The following ROR1 variants were observed in gnomAD, a reference collection of about 807,000 sequenced individuals.
ROR1 encodes ROR family WNT receptor 1, also known as inactive tyrosine-protein kinase transmembrane receptor ROR1.
ROR1 carries 19 observed loss-of-function variants against 78.8 expected under a neutral mutation model. The ratio of observed to expected loss-of-function variants is 0.24; its 90% CI spans 0.17 to 0.35. The LOEUF (loss-of-function observed/expected upper bound fraction) is 0.35, where lower values mean the gene tolerates loss of function less well. Ranked by LOEUF, ROR1 falls within the 10% of genes least tolerant of loss-of-function variation. ROR1 has a pLI of 1.00. For synonymous variants in ROR1, 386 were observed against 433.6 expected (o/e 0.89, Z 1.36); for missense variants, 917 against 1,177.8 (o/e 0.78, Z 3.24).
chr1:63,850,541 A>C lies in ROR1; in HGVS notation c.91+76033A>C, dbSNP rs370183384. On this transcript the variant is annotated intron_variant, in intron 1 of 8. Transcript: ENST00000371079. ...AACTCTTGATATTGGAAGTATTTTT[A>C]GATTTTGCTTATTCAACAGGTATGA... 2.0e-5 allele frequency among the ~76,000 whole-genome samples: 3 copies of C among 147,558 alleles called. No individual in the cohort carries two copies. In the East Asian group the frequency reaches 5.8e-4, roughly 28 times the overall value.
At chr1:64,093,729 C>A (rs941972265) in intron 4 of ROR1, among the ~76,000 whole-genome samples, 19 of 152,088 alleles carry the variant, frequency 1.2e-4, no homozygotes, top group Non-Finnish European at 1.2e-4. Flanking sequence ...TTGCCTAAGA[C>A]CCCACAGCTA....
At chr1:64,089,291 A>C (rs7553533) in intron 4 of ROR1, among the ~76,000 whole-genome samples, 52,662 of 151,686 alleles carry the variant, frequency 0.35, 10,125 homozygotes, top group African/African-American at 0.52. Context: ...CTCACTGCAG[A>C]CTCAACTTCC....
At chr1:63,947,008 G>A (rs1285980912) in intron 1 of ROR1, among the ~76,000 whole-genome samples, 2 of 151,966 alleles carry the variant, frequency 1.3e-5, no homozygotes, top group East Asian at 1.9e-4. Context: ...TGCCAGTGGA[G>A]GCTACATTAG....
intron 7 of ROR1, among the ~76,000 whole-genome samples, chr1:64,151,442 A>C (rs1199096033): frequency 1.3e-5 from 2 of 152,220 alleles, no homozygotes; most frequent in African/African-American, 2.4e-5. Context: ...CATTGACACT[A>C]TCAGTAGAGG....
chr1:63,877,391 G>C (rs1446245112), intron 1 of ROR1, among the ~76,000 whole-genome samples: 1 of 152,144 alleles, frequency 6.6e-6, no homozygotes, highest in East Asian at 1.9e-4. Context: ...GTCTGATGGG[G>C]ATCATAACGC....
chr1:64,028,628 G>T (rs930356496), intron 2 of ROR1, among the ~76,000 whole-genome samples: 12 of 152,060 alleles, frequency 7.9e-5, no homozygotes, highest in Non-Finnish European at 1.3e-4. Flanking sequence ...GAAAAAATAT[G>T]CACCATTCTA....
intron 4 of ROR1, among the ~76,000 whole-genome samples, chr1:64,122,593 C>G (rs1278715649): frequency 2.0e-5 from 3 of 152,142 alleles, no homozygotes; most frequent in African/African-American, 7.2e-5. Context: ...GTCAGTAGGC[C>G]ACCAATAAAT....
chr1:63,802,218 C>G (rs931731427), intron 1 of ROR1, among the ~76,000 whole-genome samples: 13 of 152,150 alleles, frequency 8.5e-5, no homozygotes, highest in African/African-American at 2.9e-4. Flanking sequence ...GCTTTGGGAT[C>G]AAACCCTACT....
At chr1:63,952,289 G>A (rs978076404) in intron 1 of ROR1, among the ~76,000 whole-genome samples, 3 of 152,036 alleles carry the variant, frequency 2.0e-5, no homozygotes, top group African/African-American at 7.3e-5. Flanking sequence ...AACATGCTGG[G>A]CCTTTTCGAG....
At chr1:63,908,702 CT>C (rs1185227888) in intron 1 of ROR1, among the ~76,000 whole-genome samples, 1 of 152,176 alleles carries the variant, frequency 6.6e-6, no homozygotes, top group Non-Finnish European at 1.5e-5. Flanking sequence ...CTGCCTCTTG[CT>C]GAATTTTGCT....
intron 2 of ROR1, among the ~76,000 whole-genome samples, chr1:64,022,910 G>T (rs1408947302): frequency 6.6e-6 from 1 of 151,892 alleles, no homozygotes; most frequent in Non-Finnish European, 1.5e-5. Flanking sequence ...TGTTTGTGGG[G>T]GTTTTGTTTT....
In ROR1 at chr1:64,137,473, G is replaced by C; in HGVS notation, c.587G>C (p.Gly196Ala). ...TATATGGAGTCTTTGCACATGCAAG[G>C]GGAAATAGAAAATCAGATCACAGGT... ...TVYMESLHMQGEIENQITAAF... is the reference protein window; with the variant it reads ...TVYMESLHMQAEIENQITAAF... Residue 196 changes from glycine (G) to alanine (A), a missense_variant, in exon 5 of 9, where the codon GGG (glycine) becomes GCG (alanine). This residue lies in a region of ROR1 where 835 missense variants were observed against 1,069.8 expected (regional missense o/e 0.78). Transcript: ENST00000371079. 1.2e-6 allele frequency: 2 copies of C among 1,613,392 alleles called. No individual in the cohort carries two copies. The highest frequency in any genetic ancestry group is 1.7e-6 in the Non-Finnish European group (2 of 1,179,640).
chr1:64,008,480 G>A (rs1646448007), intron 1 of ROR1, among the ~76,000 whole-genome samples: 2 of 152,146 alleles, frequency 1.3e-5, no homozygotes, highest in Admixed American at 6.6e-5. Flanking sequence ...TATATACCTT[G>A]TAATGTGATT....
At chr1:64,107,378 G>A (rs2100666413) in intron 4 of ROR1, among the ~76,000 whole-genome samples, 1 of 152,320 alleles carries the variant, frequency 6.6e-6, no homozygotes, top group Non-Finnish European at 1.5e-5. Flanking sequence ...ATACAAATGT[G>A]AGAATTATTA....
chr1:63,947,165 T>A (rs1194647767), intron 1 of ROR1, among the ~76,000 whole-genome samples: 1 of 152,196 alleles, frequency 6.6e-6, no homozygotes, highest in East Asian at 1.9e-4. Flanking sequence ...TAAACACACG[T>A]TGCCCATGTT....
chr1:63,881,180 A>G (rs1277620091), intron 1 of ROR1, among the ~76,000 whole-genome samples: 1 of 152,212 alleles, frequency 6.6e-6, no homozygotes, highest in Non-Finnish European at 1.5e-5. Flanking sequence ...CCCAGGGGCT[A>G]TCTTTATCAA....
At chr1:63,862,243 A>G (rs1569833080) in intron 1 of ROR1, among the ~76,000 whole-genome samples, 2 of 151,728 alleles carry the variant, frequency 1.3e-5, no homozygotes, top group Non-Finnish European at 2.9e-5. Context: ...AAATACACAA[A>G]ATTAGCCAGG....
Position 63,942,914 on chromosome 1 carries a change from A to G in ROR1, c.92-66391A>G, listed in dbSNP as rs113798438. Among the ~76,000 whole-genome samples the G allele has an allele frequency of 9.3e-4, 141 of 151,764 alleles. 1 individual carries two copies. The highest frequency in any genetic ancestry group is 2.9e-3 in the African/African-American group (121 of 41,346). On this transcript the variant is annotated intron_variant, in intron 1 of 8. Transcript: ENST00000371079. The stretch of plus-strand genomic sequence containing the variant: ...AGAGCAGCCTGGGCAATACAGTGAG[A>G]CTCTATCTCTACAAAAAATAATAAA...
chr1:63,928,632 G>A (rs1342626429), intron 1 of ROR1, among the ~76,000 whole-genome samples: 1 of 152,116 alleles, frequency 6.6e-6, no homozygotes, highest in East Asian at 1.9e-4. Flanking sequence ...GTCTCTCCTA[G>A]GTCATGGCTG....
Sources: gnomAD v4.1 joint callset for allele counts (sites outside exome capture counted in the v4.1 genomes callset) on GRCh38, gnomAD v4.1.1 for gene constraint, gnomAD v4.1.1 regional missense constraint, MANE v1.5 for transcripts, NCBI Gene and HGNC (gene_info 2026-07-23, HGNC 2026-07-21) for gene names.